Variants in FKBP5 observed in about 807,000 individuals in gnomAD.
FKBP5 encodes the protein peptidyl-prolyl cis-trans isomerase FKBP5.
Under a neutral mutation model 50.5 loss-of-function variants are expected in FKBP5, and 23 were observed. The observed-to-expected ratio is 0.46, with a 90% CI of 0.33 to 0.65. FKBP5 has a LOEUF of 0.65. Ranked by LOEUF, FKBP5 falls within the 30% of genes least tolerant of loss-of-function variation. FKBP5 has a pLI of 0.02. For synonymous variants in FKBP5, 176 were observed against 190.6 expected (o/e 0.92, Z 0.63); for missense variants, 411 against 553.1 (o/e 0.74, Z 2.58).
chr6:35,727,488 C>T (rs923885159), intron 1 of FKBP5, among the ~76,000 whole-genome samples: 3 of 152,222 alleles, frequency 2.0e-5, no homozygotes, highest in Non-Finnish European at 4.4e-5. Context: ...TCTCCCTACT[C>T]CCGGCGTCGT....
chr6:35,654,408 C>A (rs1026589915), intron 1 of FKBP5, among the ~76,000 whole-genome samples: 24 of 152,150 alleles, frequency 1.6e-4, no homozygotes, highest in African/African-American at 5.6e-4. Context: ...AAAACTCAAA[C>A]CATCACTAAA....
In FKBP5 at chr6:35,574,744, A is replaced by G. The variant is rs1762162438; in HGVS notation, c.*1091T>C. The G allele has an allele frequency of 6.6e-6, 1 of 152,644 alleles. No homozygotes were observed. Among genetic ancestry groups the G allele is most frequent in the Non-Finnish European group, 1.5e-5 (1 of 68,032 alleles). 9.5% of individuals were successfully genotyped at this position (152,644 alleles called of 1,614,324 possible). ...AAATTAAGCTTAGTACTAAAAAGTC[A>G]AAATTTTTTTGCATGATAGAGGAGT... On this transcript the variant is annotated 3_prime_UTR_variant, in exon 11 of 11. Coordinates refer to ENST00000357266, the MANE Select transcript of FKBP5 (RefSeq NM_004117.4).
intron 8 of FKBP5, chr6:35,585,392 C>T (rs1168390195): frequency 5.1e-6 from 5 of 983,566 alleles, no homozygotes; most frequent in African/African-American, 1.8e-5. Context: ...AAAAACAAAA[C>T]AAAACCAAAA....
rs185998144 is a variant in FKBP5 at position 35,707,294 on chromosome 6, A to G, written c.-20+13034T>C. On this transcript the variant is annotated intron_variant, in intron 2 of 11. Transcript: ENST00000536438. ...TGCAATGACGTGATCTCGGCTCACC[A>G]CAACCTCTGCCTCCCAGTTTCAAGC... is the stretch of plus-strand genomic sequence containing the variant. Among the ~76,000 whole-genome samples the G allele has an allele frequency of 3.8e-3, 540 of 142,064 alleles. 5 individuals are homozygous for G. The highest frequency in any genetic ancestry group is 0.014 in the African/African-American group (522 of 37,554). 93.2% of individuals were successfully genotyped at this position (142,064 alleles called of 152,430 possible).
intron 1 of FKBP5, among the ~76,000 whole-genome samples, chr6:35,647,428 A>G (rs1764660269): frequency 6.6e-6 from 1 of 152,220 alleles, no homozygotes; most frequent in Admixed American, 6.5e-5. Flanking sequence ...AAAATCTGCA[A>G]AACTCTGAGG....
At chr6:35,604,459 CAT>C (rs905935482) in intron 5 of FKBP5, among the ~76,000 whole-genome samples, 38 of 152,118 alleles carry the variant, frequency 2.5e-4, no homozygotes, top group African/African-American at 8.9e-4. Flanking sequence ...TTTGTGAAAA[CAT>C]ATAATAAAAT....
intron 5 of FKBP5, among the ~76,000 whole-genome samples, chr6:35,607,100 G>A (rs1223375917): frequency 6.6e-6 from 1 of 152,082 alleles, no homozygotes; most frequent in African/African-American, 2.4e-5. Context: ...ACCACACCCA[G>A]CTAATTTTTG....
chr6:35,678,034 G>T (rs1296485876), intron 1 of FKBP5, among the ~76,000 whole-genome samples: 1 of 152,146 alleles, frequency 6.6e-6, no homozygotes, highest in Non-Finnish European at 1.5e-5. Context: ...ATAGACTCGG[G>T]ATAACATCCT....
chr6:35,587,193 A>G (rs1762627847), intron 7 of FKBP5, 76 bp from the exon 8 acceptor site: 1 of 1,301,220 alleles, frequency 7.7e-7, no homozygotes, highest in East Asian at 2.3e-5. Flanking sequence ...AACAAAGAGC[A>G]GCTAATTCTA....
intron 6 of FKBP5, among the ~76,000 whole-genome samples, chr6:35,593,443 C>T (rs1156516397): frequency 1.3e-5 from 2 of 152,336 alleles, no homozygotes; most frequent in African/African-American, 2.4e-5. Context: ...AAGTCACACA[C>T]AGGCAGTGGT....
At chr6:35,663,776 G>C (rs781244376) in intron 1 of FKBP5, among the ~76,000 whole-genome samples, 1 of 152,084 alleles carries the variant, frequency 6.6e-6, no homozygotes, top group Non-Finnish European at 1.5e-5. Flanking sequence ...TACTGTTACC[G>C]GAAATAAAAG....
chr6:35,716,753 T>C (rs1387158119), intron 2 of FKBP5, among the ~76,000 whole-genome samples: 1 of 147,494 alleles, frequency 6.8e-6, no homozygotes, highest in Non-Finnish European at 1.5e-5. Flanking sequence ...GTCTCTGGAT[T>C]CCTGCTGTGC....
chr6:35,654,127 A>G (rs148492566), intron 1 of FKBP5, among the ~76,000 whole-genome samples: 24 of 152,344 alleles, frequency 1.6e-4, no homozygotes, highest in Admixed American at 1.5e-3. Flanking sequence ...ATGTGATACA[A>G]ACAGTGTGGT....
At chr6:35,645,457 A>G (rs1764604406) in intron 1 of FKBP5, among the ~76,000 whole-genome samples, 1 of 152,154 alleles carries the variant, frequency 6.6e-6, no homozygotes, top group Admixed American at 6.5e-5. Flanking sequence ...AGAGAGAGAA[A>G]GAGAGAGAGG....
intron 2 of FKBP5, among the ~76,000 whole-genome samples, chr6:35,711,649 A>G (rs1766415768): frequency 6.6e-6 from 1 of 152,124 alleles, no homozygotes; most frequent in Non-Finnish European, 1.5e-5. Flanking sequence ...GAGGAGAGGA[A>G]AGGAAAGAAA....
intron 1 of FKBP5, among the ~76,000 whole-genome samples, chr6:35,649,986 T>G (rs1764749945): frequency 6.6e-6 from 1 of 152,192 alleles, no homozygotes. Flanking sequence ...ATCTATACAG[T>G]AGAGAATCAT....
chr6:35,698,730 GC>G (rs1766127445), intron 2 of FKBP5, among the ~76,000 whole-genome samples: 1 of 152,200 alleles, frequency 6.6e-6, no homozygotes, highest in Non-Finnish European at 1.5e-5. Context: ...AGTGATTTCT[GC>G]TTCTGCTTCT....
rs77088547 is a variant in FKBP5, at chr6:35,597,803, G to A, written c.509-399C>T. 1.9e-3 allele frequency among the ~76,000 whole-genome samples: 296 copies of A among 152,228 alleles called. 6 individuals are homozygous for A. The East Asian group carries it at 0.046, about 24-fold the overall frequency. ...TATAAACATCTGTAACTGCATCTTG[G>A]CTTCAGATGCTTGGGCCAAAAAGCC... is the stretch of plus-strand genomic sequence containing the variant. On this transcript the variant is annotated intron_variant, in intron 5 of 10. Transcript: ENST00000357266.
rs548939716 is a variant in FKBP5, at chr6:35,587,179, T to C, written c.757-62A>G. ...AGAGAAAAGCATCAGTTGAGGCCTA[T>C]TGGAACAAAGAGCAGCTAATTCTAG... On this transcript the variant is annotated intron_variant, in intron 7 of 10. Coordinates refer to ENST00000357266, the MANE Select transcript of FKBP5 (RefSeq NM_004117.4). The C allele has an allele frequency of 2.1e-4, 297 of 1,437,500 alleles. 1 individual carries two copies. The highest frequency in any genetic ancestry group is 1.5e-3 in the African/African-American group (110 of 71,274). The allele number at this position is 1,437,500 out of a possible 1,614,324, so 89.0% of individuals were successfully genotyped here.
Sources: gnomAD v4.1 joint callset for allele counts (sites outside exome capture counted in the v4.1 genomes callset) on GRCh38, gnomAD v4.1.1 for gene constraint, MANE v1.5 for transcripts, NCBI Gene and HGNC (gene_info 2026-07-23, HGNC 2026-07-21) for gene names.